Variants in MRRF observed in about 807,000 individuals in gnomAD.
MRRF encodes mitochondrial ribosome recycling factor, also known as ribosome-recycling factor, mitochondrial.
In MRRF, 18 loss-of-function variants were observed where a neutral mutation model predicts 25.1. The observed-to-expected ratio is 0.72, with a 90% CI of 0.50 to 1.06. The LOEUF is 1.06. Among genes scored for constraint, MRRF ranks in the 50% least tolerant of loss-of-function variants. The pLI is 0.00. For missense variants in MRRF, 323 were observed against 319.3 expected, an observed-to-expected ratio of 1.01 and a Z score of -0.09; for synonymous variants, 113 against 112.1, an observed-to-expected ratio of 1.01 and a Z score of -0.05.
chr9:122,290,351 C>G lies in MRRF; in HGVS notation c.460-1398C>G, dbSNP rs79704259. On this transcript the variant is annotated intron_variant, in intron 4 of 6. Transcript: ENST00000344641. ...GACTTGGTTATGTCAGAAATCCCTT[C>G]CAGCTCTAATAATCTGTGGCCAGAG... 7.2e-5 allele frequency among the ~76,000 whole-genome samples: 11 copies of G among 152,256 alleles called. 2 individuals carry two copies. Among genetic ancestry groups the G allele is most frequent in the African/African-American group, 2.2e-4 (9 of 41,534 alleles).
Position 122,285,169 on chromosome 9 carries a change from G to C in MRRF, c.341G>C (p.Gly114Ala). 6.3e-7 allele frequency: 1 copy of C among 1,595,812 alleles called. No homozygotes were observed. The highest frequency in any genetic ancestry group is 8.6e-7 in the Non-Finnish European group (1 of 1,163,438). ...NKTLNIRTSPGSLDKIAVVTA... is the reference protein window; with the variant it reads ...NKTLNIRTSPASLDKIAVVTA... ...TAAAACTCTGTAATTTTTCTTTTAG[G>C]ATCCCTTGACAAGATTGCTGTGGTA... is the stretch of plus-strand genomic sequence containing the variant. Residue 114 changes from glycine (G) to alanine (A), a missense_variant and splice_region_variant, in exon 4 of 7, where the codon GGA (glycine) becomes GCA (alanine). Transcript: ENST00000344641.
chr9:122,293,994 G>A (rs1833934156), intron 5 of MRRF, among the ~76,000 whole-genome samples: 2 of 151,924 alleles, frequency 1.3e-5, no homozygotes, highest in South Asian at 4.2e-4. Flanking sequence ...CATAATTCTG[G>A]AAAGTGCTAA....
chr9:122,277,877 G>GT (rs1453225690), intron 2 of MRRF, among the ~76,000 whole-genome samples: 1 of 151,494 alleles, frequency 6.6e-6, no homozygotes, highest in Non-Finnish European at 1.5e-5. Flanking sequence ...TTTATATCAT[G>GT]TTTTTTCCTT....
intron 5 of MRRF, among the ~76,000 whole-genome samples, chr9:122,303,362 T>C (rs916128536): frequency 6.6e-6 from 1 of 151,766 alleles, no homozygotes; most frequent in Non-Finnish European, 1.5e-5. Flanking sequence ...TTTTCCCCCT[T>C]TGACTTAATA....
intron 1 of MRRF, 34 bp from the exon 2 acceptor site, chr9:122,270,830 T>C (rs1418101167): frequency 1.3e-6 from 2 of 1,536,922 alleles, no homozygotes; most frequent in Admixed American, 1.7e-5. Flanking sequence ...TTAGATCTTT[T>C]ACTTAGATCT....
chr9:122,294,155 G>C (rs529320872), intron 5 of MRRF, among the ~76,000 whole-genome samples: 1 of 152,284 alleles, frequency 6.6e-6, no homozygotes, highest in African/African-American at 2.4e-5. Flanking sequence ...CAGATGAAGG[G>C]GTTGTTCTTA....
chr9:122,280,452 A>T lies in MRRF; in HGVS notation c.194A>T (p.Lys65Ile). 6.2e-7 allele frequency: 1 copy of T among 1,614,156 alleles called. No individual in the cohort carries two copies. The highest frequency in any genetic ancestry group is 8.5e-7 in the Non-Finnish European group (1 of 1,179,982). Residue 65 changes from lysine (K) to isoleucine (I), a missense_variant, in exon 3 of 7, where the codon AAA (lysine) becomes ATA (isoleucine). Coordinates refer to ENST00000344641, the MANE Select transcript of MRRF (RefSeq NM_138777.5). ...FATKKAKAKGKGQSQTRVNIN... is the reference protein window; with the variant it reads ...FATKKAKAKGIGQSQTRVNIN... Reference sequence around the variant, plus strand: ...AATGTTCACTTTTTAGCCAAAGGGAAAGGACAGTCCCAAACCAGAGTGAAT... The same window carrying T: ...AATGTTCACTTTTTAGCCAAAGGGATAGGACAGTCCCAAACCAGAGTGAAT...
At chr9:122,301,173 G>C (rs1354400995) in intron 5 of MRRF, among the ~76,000 whole-genome samples, 1 of 152,112 alleles carries the variant, frequency 6.6e-6, no homozygotes, top group East Asian at 1.9e-4. Flanking sequence ...CAGTAAAAAA[G>C]CCTTGAGTTA....
chr9:122,322,430 T>G (rs1490149707), intron 6 of MRRF, 110 bp from the exon 7 acceptor site: 1 of 966,790 alleles, frequency 1.0e-6, no homozygotes, highest in Non-Finnish European at 1.6e-6. Context: ...AATGTGAACT[T>G]TTGTCACTAT....
chr9:122,278,241 TAAAA>T (rs1588017191), intron 2 of MRRF, among the ~76,000 whole-genome samples: 1 of 152,070 alleles, frequency 6.6e-6, no homozygotes, highest in Non-Finnish European at 1.5e-5. Flanking sequence ...TTTATAGAAA[TAAAA>T]AAACCCTGTA....
At chr9:122,294,898 A>G (rs1833990178) in intron 5 of MRRF, among the ~76,000 whole-genome samples, 2 of 152,242 alleles carry the variant, frequency 1.3e-5, no homozygotes, top group South Asian at 4.1e-4. Context: ...TACATATTAT[A>G]TAATTTTAGG....
At chr9:122,289,920 C>G (rs1480285781) in intron 4 of MRRF, among the ~76,000 whole-genome samples, 2 of 151,548 alleles carry the variant, frequency 1.3e-5, no homozygotes, top group Non-Finnish European at 2.9e-5. Flanking sequence ...CCCAGCTCTT[C>G]TTTCTTTTTT....
intron 5 of MRRF, among the ~76,000 whole-genome samples, chr9:122,303,992 TCA>T (rs572100836): frequency 6.7e-6 from 1 of 150,026 alleles, no homozygotes; most frequent in Non-Finnish European, 1.5e-5. Flanking sequence ...CTTTTCTACA[TCA>T]CACACACACA....
intron 5 of MRRF, among the ~76,000 whole-genome samples, chr9:122,302,933 G>A (rs1834566028): frequency 6.6e-6 from 1 of 152,096 alleles, no homozygotes; most frequent in South Asian, 2.1e-4. Flanking sequence ...GTTTTGATTT[G>A]CATTTTCCTG....
At position 122,304,094 on chromosome 9, in the gene MRRF, CA is replaced by C. The variant is rs1352488136; in HGVS notation, c.552-9132del. ...ACACACACACACACACACACACACACACACACCCTTTAGGGATATTGAAAGA... is the reference window on the plus strand; with the variant it reads ...ACACACACACACACACACACACACACCACACCCTTTAGGGATATTGAAAGA... On this transcript the variant is annotated intron_variant, in intron 5 of 6. Transcript: ENST00000344641. Among the ~76,000 whole-genome samples, 16 of 152,010 alleles carry C rather than the reference CA, an allele frequency of 1.1e-4. No homozygotes were observed. In the East Asian group the frequency reaches 1.2e-3, roughly 11 times the overall value.
At chr9:122,308,841 T>C (rs1835030369) in intron 5 of MRRF, among the ~76,000 whole-genome samples, 1 of 152,048 alleles carries the variant, frequency 6.6e-6, no homozygotes, top group African/African-American at 2.4e-5. Flanking sequence ...TAGCCGAGAC[T>C]ACAGGCGCAT....
At chr9:122,317,088 A>ATATATATATATATAT in intron 6 of MRRF, among the ~76,000 whole-genome samples, 2 of 150,602 alleles carry the variant, frequency 1.3e-5, no homozygotes, top group African/African-American at 2.4e-5. Context: ...ATATATATAT[A>ATATATATATATATAT]AATCTTTGTT....
chr9:122,320,231 AG>A (rs1237833530), intron 6 of MRRF, among the ~76,000 whole-genome samples: 1 of 152,218 alleles, frequency 6.6e-6, no homozygotes, highest in Non-Finnish European at 1.5e-5. Context: ...TATAGTAACA[AG>A]AAATAGCAAA....
At chr9:122,320,123 C>T (rs1241140963) in intron 6 of MRRF, among the ~76,000 whole-genome samples, 1 of 152,040 alleles carries the variant, frequency 6.6e-6, no homozygotes, top group Non-Finnish European at 1.5e-5. Context: ...ATCCTCCCAC[C>T]TCAGCCTCCC....
Sources: gnomAD v4.1 joint callset for allele counts (sites outside exome capture counted in the v4.1 genomes callset) on GRCh38, gnomAD v4.1.1 for gene constraint, MANE v1.5 for transcripts, NCBI Gene and HGNC (gene_info 2026-07-23, HGNC 2026-07-21) for gene names.